The following UHRF1 variants were observed in gnomAD, a reference collection of about 807,000 sequenced individuals.
UHRF1 encodes the protein ubiquitin like with PHD and ring finger domains 1.
UHRF1 carries 9 observed loss-of-function variants against 96.5 expected under a neutral mutation model. That is an observed-to-expected ratio of 0.09 (90% CI 0.06 to 0.16). The LOEUF is 0.16. UHRF1 is among the 10% of genes least tolerant of loss of function. The pLI is 1.00. For synonymous variants in UHRF1, 455 were observed against 469.9 expected, an observed-to-expected ratio of 0.97 and a Z score of 0.41; for missense variants, 626 against 1,131.1, an observed-to-expected ratio of 0.55 and a Z score of 6.40.
chr19:4,936,817 A>C (rs2146346385), intron 5 of UHRF1, among the ~76,000 whole-genome samples: 1 of 151,900 alleles, frequency 6.6e-6, no homozygotes, highest in African/African-American at 2.4e-5. Flanking sequence ...AAAAAAAAAA[A>C]AGTGAAAAGA....
intron 4 of UHRF1, among the ~76,000 whole-genome samples, chr19:4,931,420 G>A (rs1224355227): frequency 1.3e-5 from 2 of 152,060 alleles, no homozygotes; most frequent in Non-Finnish European, 2.9e-5. Flanking sequence ...GGGACTACAG[G>A]TGCCCGCCAC....
intron 11 of UHRF1, among the ~76,000 whole-genome samples, chr19:4,950,246 A>AT (rs202069408): frequency 0.2 from 28,978 of 143,202 alleles, 2,951 homozygotes; most frequent in Non-Finnish European, 0.22. Flanking sequence ...GAAATATTAA[A>AT]TTTTTTTTTT....
In UHRF1 at chr19:4,945,981, G is replaced by T. The variant is rs372083122; in HGVS notation, c.1410+16G>T. 5 of 1,140,152 alleles carry T rather than the reference G, an allele frequency of 4.4e-6. No homozygotes were observed. Among genetic ancestry groups the T allele is most frequent in the Non-Finnish European group, 6.4e-6 (5 of 777,834 alleles). 70.6% of individuals were successfully genotyped at this position (1,140,152 alleles called of 1,614,324 possible). A position where few individuals can be genotyped will look rare whatever the true frequency, so the allele number is the denominator to read the frequency against. ...GGATGATGTGGTGAGTGTGTGTGTG[G>T]GAGGGGTGGGGGAGGGTTGCTCTAG... On this transcript the variant is annotated intron_variant, in intron 10 of 16. Coordinates refer to ENST00000650932, the MANE Select transcript of UHRF1 (RefSeq NM_001048201.3).
intron 2 of UHRF1, among the ~76,000 whole-genome samples, chr19:4,926,272 G>T (rs1481322447): frequency 1.3e-5 from 2 of 152,174 alleles, no homozygotes; most frequent in Non-Finnish European, 2.9e-5. Flanking sequence ...GTGAACCTGC[G>T]TGTACAGGTT....
At chr19:4,958,724 C>G (rs2033918507) in intron 16 of UHRF1, among the ~76,000 whole-genome samples, 1 of 152,064 alleles carries the variant, frequency 6.6e-6, no homozygotes, top group Non-Finnish European at 1.5e-5. Flanking sequence ...GTAATCCCAG[C>G]ACTTGGGGAG....
At chr19:4,944,000 C>T (rs928667910) in intron 7 of UHRF1, 132 bp from the exon 8 acceptor site, 13 of 1,399,504 alleles carry the variant, frequency 9.3e-6, no homozygotes, top group Middle Eastern at 2.6e-4. Context: ...AAGCGGCCTG[C>T]AATGTGGACA....
chr19:4,940,092 A>G (rs2033345786), intron 5 of UHRF1, among the ~76,000 whole-genome samples: 1 of 152,050 alleles, frequency 6.6e-6, no homozygotes, highest in African/African-American at 2.4e-5. Context: ...TAGCTCATTA[A>G]TAACTTTTTC....
intron 11 of UHRF1, among the ~76,000 whole-genome samples, chr19:4,949,017 C>T (rs1483669994): frequency 6.8e-6 from 1 of 147,532 alleles, no homozygotes; most frequent in Non-Finnish European, 1.5e-5. Context: ...TGCCTATAGT[C>T]CCAGCTACTC....
intron 2 of UHRF1, among the ~76,000 whole-genome samples, chr19:4,914,427 C>T (rs2032411347): frequency 6.6e-6 from 1 of 152,022 alleles, no homozygotes; most frequent in Non-Finnish European, 1.5e-5. Flanking sequence ...AGAAACCTGG[C>T]CTAGCAGCCC....
intron 13 of UHRF1, 133 bp downstream of exon 13, chr19:4,951,129 G>T: frequency 8.0e-7 from 1 of 1,245,050 alleles, no homozygotes; most frequent in Admixed American, 2.9e-5. Context: ...AGCTGGGTAT[G>T]GTGGCGGGTG....
At chr19:4,949,562 C>A (rs1340004881) in intron 11 of UHRF1, among the ~76,000 whole-genome samples, 1 of 152,042 alleles carries the variant, frequency 6.6e-6, no homozygotes, top group East Asian at 1.9e-4. Context: ...GGTGGTGTGT[C>A]ACATGCCTGT....
At chr19:4,949,936 C>T (rs143856807) in intron 11 of UHRF1, among the ~76,000 whole-genome samples, 136 of 151,914 alleles carry the variant, frequency 9.0e-4, no homozygotes, top group African/African-American at 2.8e-3. Flanking sequence ...GCAGTGTGAT[C>T]GTAGCTCATT....
At chr19:4,955,184 A>C (rs1246030523) in intron 15 of UHRF1, among the ~76,000 whole-genome samples, 1 of 151,948 alleles carries the variant, frequency 6.6e-6, no homozygotes, top group Non-Finnish European at 1.5e-5. Flanking sequence ...AGGAGTGCAA[A>C]GCGACTCACA....
chr19:4,924,619 G>A, intron 2 of UHRF1, among the ~76,000 whole-genome samples: 1 of 152,132 alleles, frequency 6.6e-6, no homozygotes, highest in East Asian at 1.9e-4. Flanking sequence ...TTATTTTCTA[G>A]AGCAGTTCTA....
rs2033991946 is a variant in UHRF1, at chr19:4,961,780, A to ATTT, written c.*977_*978insTTT. On this transcript the variant is annotated 3_prime_UTR_variant, in exon 17 of 17. Transcript: ENST00000650932. ...GAGAACTTACAAGAGGGTTTTTTTA[A>ATTT]AATTTTTTTTTCTCTTAATGAACAC... The ATTT allele has an allele frequency of 2.8e-4, 42 of 150,572 alleles. No individual in the cohort carries two copies. Among genetic ancestry groups the ATTT allele is most frequent in the Non-Finnish European group, 4.7e-4 (32 of 67,578 alleles). The allele number at this position is 150,572 out of a possible 1,614,324, so 9.3% of individuals were successfully genotyped here.
chr19:4,907,333 G>A (rs1374186126), upstream of UHRF1, among the ~76,000 whole-genome samples: 1 of 151,966 alleles, frequency 6.6e-6, no homozygotes, highest in African/African-American at 2.4e-5. Flanking sequence ...GCAGTGGCAC[G>A]ATCTCTGCTC....
At chr19:4,950,305 A>G (rs1331821737) in intron 11 of UHRF1, among the ~76,000 whole-genome samples, 1 of 150,476 alleles carries the variant, frequency 6.6e-6, no homozygotes, top group East Asian at 2.0e-4. Context: ...GTGCAGTGGC[A>G]TAATCTCGGC....
chr19:4,926,696 TC>T (rs2032881364), intron 2 of UHRF1, among the ~76,000 whole-genome samples: 1 of 151,876 alleles, frequency 6.6e-6, no homozygotes, highest in Non-Finnish European at 1.5e-5. Flanking sequence ...AGCCCAAGGT[TC>T]GATGCTGCAG....
chr19:4,954,914 T>C lies in UHRF1; in HGVS notation c.2130+92T>C. ...TTCCCATGTTCCCCATTTTCAAGTG[T>C]ACAGCTCAGTCGCACTGAGTACATT... is the stretch of plus-strand genomic sequence containing the variant. On this transcript the variant is annotated intron_variant, in intron 15 of 16. Coordinates refer to ENST00000650932, the MANE Select transcript of UHRF1 (RefSeq NM_001048201.3). The surrounding 1 kb of genome is among the most constrained non-coding windows in gnomAD (Gnocchi z 5.9). The C allele has an allele frequency of 6.7e-7, 1 of 1,500,888 alleles. No individual in the cohort carries two copies. 93.0% of individuals were successfully genotyped at this position (1,500,888 alleles called of 1,614,324 possible).
Sources: allele counts gnomAD v4.1 joint callset (sites outside exome capture counted in the v4.1 genomes callset), GRCh38; gene constraint gnomAD v4.1.1; non-coding constraint Gnocchi (gnomAD v3.1); transcripts MANE v1.5; gene names NCBI Gene and HGNC (gene_info 2026-07-23, HGNC 2026-07-21).